NRXN1: variants seen among roughly 807,000 people sequenced by gnomAD.
NRXN1 encodes the protein neurexin-1.
In NRXN1, 39 loss-of-function variants were observed where a neutral mutation model predicts 150.9. The observed-to-expected ratio is 0.26, with a 90% confidence interval of 0.20 to 0.34. The LOEUF (loss-of-function observed/expected upper bound fraction) is 0.34. Ranked by LOEUF, NRXN1 falls within the 10% of genes least tolerant of loss-of-function variation. The probability of loss-of-function intolerance (pLI) is 1.00; values close to 1 mark genes in which losing one functional copy is unlikely to be tolerated. For synonymous variants in NRXN1, 924 were observed against 757.0 expected (o/e 1.22, Z -3.62); for missense variants, 1,815 against 1,949.9 (o/e 0.93, Z 1.30).
chr2:50,323,595 C>A (rs2076192156), intron 17 of NRXN1, among the ~76,000 whole-genome samples: 1 of 145,870 alleles, frequency 6.9e-6, no homozygotes, highest in African/African-American at 2.6e-5. Flanking sequence ...ATATATATAA[C>A]TTAGCAGATT....
intron 18 of NRXN1, among the ~76,000 whole-genome samples, chr2:50,174,096 T>C (rs72887716): frequency 0.053 from 8,144 of 152,242 alleles, 732 homozygotes; most frequent in African/African-American, 0.19. Flanking sequence ...TCTCTCTAAA[T>C]TGGCCTTCTG....
chr2:50,750,221 A>G (rs1700438215), intron 5 of NRXN1, among the ~76,000 whole-genome samples: 1 of 151,990 alleles, frequency 6.6e-6, no homozygotes, highest in Admixed American at 6.6e-5. Context: ...ATCTCACATA[A>G]TTTGTCACAT....
chr2:49,972,105 GC>G (rs1314587190), intron 21 of NRXN1, among the ~76,000 whole-genome samples: 1 of 152,104 alleles, frequency 6.6e-6, no homozygotes, highest in African/African-American at 2.4e-5. Flanking sequence ...AGATTAATTT[GC>G]ACTTAGGACT....
At chr2:50,503,527 G>T (rs1217710443) in intron 13 of NRXN1, among the ~76,000 whole-genome samples, 2 of 145,934 alleles carry the variant, frequency 1.4e-5, no homozygotes, top group Admixed American at 1.4e-4. Context: ...AAAAAAGGAA[G>T]GGAGGAAGAA....
chr2:50,409,083 C>G (rs1250106732), intron 17 of NRXN1, among the ~76,000 whole-genome samples: 1 of 152,126 alleles, frequency 6.6e-6, no homozygotes, highest in Admixed American at 6.5e-5. Flanking sequence ...CATGCTGCAG[C>G]CAAGAGGCAG....
chr2:49,927,037 C>A (rs1047034256), intron 22 of NRXN1, among the ~76,000 whole-genome samples: 1 of 152,170 alleles, frequency 6.6e-6, no homozygotes, highest in East Asian at 1.9e-4. Context: ...GCCCTCCCCA[C>A]CCCCAGGTAA....
chr2:50,910,182 CTT>C (rs1456171929), intron 5 of NRXN1, among the ~76,000 whole-genome samples: 1 of 151,932 alleles, frequency 6.6e-6, no homozygotes, highest in Non-Finnish European at 1.5e-5. Context: ...GGATAACTGT[CTT>C]TGACTTTTTT....
Position 49,921,848 on chromosome 2 carries a change from T to C in NRXN1, c.*96A>G. The C allele has an allele frequency of 8.1e-7, 1 of 1,240,262 alleles. No individual in the cohort carries two copies. Among genetic ancestry groups the C allele is most frequent in the Middle Eastern group, 2.5e-4 (1 of 4,024 alleles). The allele number at this position is 1,240,262 out of a possible 1,614,324, so 76.8% of individuals were successfully genotyped here. A position where few individuals can be genotyped will look rare whatever the true frequency, so the allele number is the denominator to read the frequency against. On this transcript the variant is annotated 3_prime_UTR_variant, in exon 23 of 23. Coordinates refer to ENST00000401669, the MANE Select transcript of NRXN1 (RefSeq NM_001330078.2). ...TGATTGCATTCCCTGTCTTCTTTTG[T>C]ATGTGCTTCATAAAAAGGAAAGTAA...
intron 17 of NRXN1, among the ~76,000 whole-genome samples, chr2:50,342,207 T>A (rs2077599270): frequency 1.3e-5 from 2 of 152,210 alleles, no homozygotes; most frequent in South Asian, 4.1e-4. Context: ...CTATTAAAGT[T>A]TTGGGCAACC....
At chr2:50,640,556 G>A (rs12612886) in intron 5 of NRXN1, among the ~76,000 whole-genome samples, 2,644 of 152,178 alleles carry the variant, frequency 0.017, 79 homozygotes, top group East Asian at 0.11. Flanking sequence ...GTAAGCATCT[G>A]ATTTTAACTC....
intron 19 of NRXN1, among the ~76,000 whole-genome samples, chr2:50,061,816 C>T (rs1168863961): frequency 6.6e-6 from 1 of 152,108 alleles, no homozygotes; most frequent in Non-Finnish European, 1.5e-5. Flanking sequence ...CTGTTGGTAC[C>T]TTCACTGAAA....
intron 21 of NRXN1, among the ~76,000 whole-genome samples, chr2:50,022,140 T>C: frequency 6.7e-6 from 1 of 149,742 alleles, no homozygotes; most frequent in East Asian, 2.0e-4. Flanking sequence ...TGTGCCACCA[T>C]GCCTGGCTAA....
At chr2:50,496,244 A>G (rs2091612798) in intron 14 of NRXN1, 149 bp from the exon 15 acceptor site, 1 of 576,060 alleles carries the variant, frequency 1.7e-6, no homozygotes, top group Non-Finnish European at 3.0e-6. Flanking sequence ...TCAGCTATCA[A>G]GAAGGTAACA....
Position 50,981,798 on chromosome 2 carries a change from T to G in NRXN1, c.772+45704A>C, listed in dbSNP as rs1696858992. On this transcript the variant is annotated intron_variant, in intron 2 of 22. Transcript: ENST00000401669. Reference sequence around the variant, plus strand: ...CAGGCATTTTTGTAAGCACAGAGCCTAATAATTGTTTGAATAAACAATGTG... The same window carrying G: ...CAGGCATTTTTGTAAGCACAGAGCCGAATAATTGTTTGAATAAACAATGTG... 2.6e-5 allele frequency among the ~76,000 whole-genome samples: 4 copies of G among 151,252 alleles called. No individual in the cohort carries two copies. In the South Asian group the frequency reaches 8.4e-4, roughly 32 times the overall value.
At chr2:50,461,636 C>T (rs2088228063) in intron 17 of NRXN1, among the ~76,000 whole-genome samples, 1 of 151,838 alleles carries the variant, frequency 6.6e-6, no homozygotes, top group South Asian at 2.1e-4. Flanking sequence ...ACTTTTAGCA[C>T]AGAACTGGCA....
intron 16 of NRXN1, among the ~76,000 whole-genome samples, chr2:50,468,083 G>A (rs1183157327): frequency 6.6e-6 from 1 of 151,616 alleles, no homozygotes; most frequent in African/African-American, 2.4e-5. Flanking sequence ...TACAAGCCCA[G>A]TTTGGGGAGA....
chr2:50,822,834 C>T (rs1250968490), intron 5 of NRXN1, among the ~76,000 whole-genome samples: 2 of 152,074 alleles, frequency 1.3e-5, no homozygotes, highest in Non-Finnish European at 2.9e-5. Flanking sequence ...AAGCCCCTAT[C>T]TAGAATTTAG....
intron 2 of NRXN1, among the ~76,000 whole-genome samples, chr2:50,958,654 T>G (rs143780511): frequency 7.8e-4 from 119 of 152,226 alleles, no homozygotes; most frequent in African/African-American, 2.7e-3. Flanking sequence ...GGTAGTTGTA[T>G]TTCTTCCTTT....
At chr2:50,559,614 G>T (rs1006525578) in intron 8 of NRXN1, among the ~76,000 whole-genome samples, 28 of 152,062 alleles carry the variant, frequency 1.8e-4, no homozygotes, top group African/African-American at 6.8e-4. Flanking sequence ...TATACACATA[G>T]ACACACACCT....
Sources: gnomAD v4.1 joint callset for allele counts (sites outside exome capture counted in the v4.1 genomes callset) on GRCh38, gnomAD v4.1.1 for gene constraint, MANE v1.5 for transcripts, NCBI Gene and HGNC (gene_info 2026-07-23, HGNC 2026-07-21) for gene names.